Variants in TNRC18 observed in about 807,000 individuals in gnomAD.
TNRC18 encodes the protein trinucleotide repeat-containing gene 18 protein.
A neutral mutation model predicts 226.7 loss-of-function variants in TNRC18; 69 were observed. The observed-to-expected ratio is 0.30, with a 90% CI of 0.25 to 0.37. The LOEUF is 0.37. Among genes scored for constraint, TNRC18 ranks in the 10% least tolerant of loss-of-function variants. The probability of loss-of-function intolerance (pLI) is 1.00; values close to 1 mark genes in which losing one functional copy is unlikely to be tolerated. For missense variants in TNRC18, 4,754 were observed against 4,256.6 expected (o/e 1.12, Z -3.25); for synonymous variants, 2,449 against 1,927.6 (o/e 1.27, Z -7.09).
chr7:5,367,620 G>A (rs1233212057), intron 11 of TNRC18, among the ~76,000 whole-genome samples: 1 of 151,630 alleles, frequency 6.6e-6, no homozygotes, highest in East Asian at 2.0e-4. Flanking sequence ...TAGAGATGGG[G>A]TTTCACCATG....
At chr7:5,365,508 C>A (rs1793527219) in intron 11 of TNRC18, among the ~76,000 whole-genome samples, 1 of 152,172 alleles carries the variant, frequency 6.6e-6, no homozygotes, top group African/African-American at 2.4e-5. Flanking sequence ...CAGGTGTGTG[C>A]AGTTCTCTGA....
rs1485854013 is a variant in TNRC18 at position 5,387,957 on chromosome 7, G to T, written c.1867C>A (p.Pro623Thr). ...GAGGCACCCGCAGAGGTGGGCGCAG[G>T]CTCGGGTTTCATGGTGCCCAAACCT... ...FGGLGTMKPE[P>T]APTSAGASRA... Residue 623 changes from proline to threonine, a missense_variant, in exon 5 of 30, where the codon CCT becomes ACT. Physicochemically the swap from Pro to Thr is conservative, Grantham distance 38. Coordinates refer to ENST00000430969, the MANE Select transcript of TNRC18 (RefSeq NM_001080495.3). The T allele has an allele frequency of 1.3e-6, 2 of 1,597,596 alleles. No homozygotes were observed. Among genetic ancestry groups the T allele is most frequent in the Non-Finnish European group, 8.5e-7 (1 of 1,173,302 alleles).
At chr7:5,326,176 T>C (rs1184083902) in intron 19 of TNRC18, among the ~76,000 whole-genome samples, 1 of 151,904 alleles carries the variant, frequency 6.6e-6, no homozygotes, top group African/African-American at 2.4e-5. Context: ...TGTATCCTTC[T>C]AGAACTTTCC....
Position 5,307,862 on chromosome 7 carries a change from G to A in TNRC18, c.*244C>T. 1 of 561,002 alleles carries A rather than the reference G, an allele frequency of 1.8e-6. No homozygotes were observed. The highest frequency in any genetic ancestry group is 3.2e-6 in the Non-Finnish European group (1 of 311,184). The allele number at this position is 561,002 out of a possible 1,614,324, so 34.8% of individuals were successfully genotyped here. Reference sequence around the variant, plus strand: ...GGTCCGGCCATACCCTGATAGCTAAGAGGGGCCCCTGTCCTGGGGGCACTG... The same window carrying A: ...GGTCCGGCCATACCCTGATAGCTAAAAGGGGCCCCTGTCCTGGGGGCACTG... On this transcript the variant is annotated 3_prime_UTR_variant, in exon 30 of 30. Transcript: ENST00000430969.
intron 5 of TNRC18, among the ~76,000 whole-genome samples, chr7:5,386,705 A>G (rs1279058308): frequency 1.3e-5 from 2 of 151,584 alleles, no homozygotes; most frequent in Non-Finnish European, 2.9e-5. Context: ...AGCTATGATC[A>G]CACCACTGCA....
intron 15 of TNRC18, 69 bp downstream of exon 15, chr7:5,359,329 G>T (rs1792787038): frequency 1.3e-6 from 2 of 1,547,560 alleles, no homozygotes; most frequent in Non-Finnish European, 1.8e-6. Flanking sequence ...AAGGGAGCGT[G>T]AACTCTTAAC....
In TNRC18 at chr7:5,307,916, G is replaced by A. The variant is rs183600491; in HGVS notation, c.*190C>T. 8.7e-5 allele frequency: 53 copies of A among 605,996 alleles called. No individual in the cohort carries two copies. The East Asian group carries it at 1.1e-3, about 12-fold the overall frequency. The allele number at this position is 605,996 out of a possible 1,614,324, so 37.5% of individuals were successfully genotyped here. ...GGTTGGAAGGTGGGGCTGGAGGCAT[G>A]TGCACATGCGTGCACACACGTGCAT... On this transcript the variant is annotated 3_prime_UTR_variant, in exon 30 of 30. Coordinates refer to ENST00000430969, the MANE Select transcript of TNRC18 (RefSeq NM_001080495.3).
intron 2 of TNRC18, among the ~76,000 whole-genome samples, chr7:5,415,426 G>C (rs1400585873): frequency 6.8e-6 from 1 of 146,698 alleles, no homozygotes; most frequent in African/African-American, 2.6e-5. Context: ...GCCCAGGCTG[G>C]AGTGCAGTGG....
intron 15 of TNRC18, among the ~76,000 whole-genome samples, chr7:5,358,010 G>A (rs930880809): frequency 1.3e-5 from 2 of 152,144 alleles, no homozygotes; most frequent in East Asian, 3.9e-4. Context: ...GCTGCCGATG[G>A]CCTGAAGAAG....
intron 18 of TNRC18, among the ~76,000 whole-genome samples, chr7:5,337,862 A>C (rs1790281993): frequency 6.6e-6 from 1 of 152,032 alleles, no homozygotes; most frequent in Non-Finnish European, 1.5e-5. Flanking sequence ...AGGTGCCTGT[A>C]ATCCTAGCTA....
At chr7:5,343,815 G>A (rs1183634282) in intron 18 of TNRC18, among the ~76,000 whole-genome samples, 9 of 152,308 alleles carry the variant, frequency 5.9e-5, no homozygotes, top group East Asian at 3.9e-4. Context: ...TAGTTTAAAC[G>A]TAATTTTATA....
chr7:5,389,047 A>G lies in TNRC18; in HGVS notation c.777T>C (p.Ala259=). The change falls in exon 5 of 30, where the codon GCT becomes GCC. Residue 259 remains alanine (A), a synonymous_variant. Coordinates refer to ENST00000430969, the MANE Select transcript of TNRC18 (RefSeq NM_001080495.3). ...CAGCCAGGAAGGGCGACAGGCGCTC[A>G]GCCAGGCGCGGGGGCCCCCGGTCCT... ...GRQDRGPPRL[A]ERLSPFLAES... The G allele has an allele frequency of 7.7e-7, 1 of 1,293,742 alleles. No homozygotes were observed. The highest frequency in any genetic ancestry group is 3.7e-5 in the East Asian group (1 of 27,146). 80.1% of individuals were successfully genotyped at this position (1,293,742 alleles called of 1,614,324 possible). A position where few individuals can be genotyped will look rare whatever the true frequency, so the allele number is the denominator to read the frequency against.
rs529328231 is a variant in TNRC18, at chr7:5,324,971, G to A, written c.6300+125C>T. ...GACGGCCACATCACCCTCGTCACCCGCAACCTCTCTGAGCCACAGCTATAG... is the reference window on the plus strand; with the variant it reads ...GACGGCCACATCACCCTCGTCACCCACAACCTCTCTGAGCCACAGCTATAG... On this transcript the variant is annotated intron_variant, in intron 20 of 29. Coordinates refer to ENST00000430969, the MANE Select transcript of TNRC18 (RefSeq NM_001080495.3). The surrounding 1 kb of genome is among the most constrained non-coding windows in gnomAD (Gnocchi z 4.8). 7.7e-5 allele frequency: 92 copies of A among 1,195,762 alleles called. 1 individual carries two copies. In the East Asian group the frequency reaches 9.4e-4, roughly 12 times the overall value. The allele number at this position is 1,195,762 out of a possible 1,614,324, so 74.1% of individuals were successfully genotyped here.
chr7:5,402,562 A>G (rs895401446), intron 2 of TNRC18, among the ~76,000 whole-genome samples: 4 of 150,554 alleles, frequency 2.7e-5, no homozygotes, highest in African/African-American at 7.3e-5. Flanking sequence ...TTAGAAAATA[A>G]TATTTATGCG....
At chr7:5,415,181 C>G (rs1782099288) in intron 2 of TNRC18, among the ~76,000 whole-genome samples, 1 of 152,118 alleles carries the variant, frequency 6.6e-6, no homozygotes, top group Non-Finnish European at 1.5e-5. Flanking sequence ...ATTCTGCCAG[C>G]TCAGATACGC....
chr7:5,321,047 T>C (rs1788301258), intron 22 of TNRC18, 26 bp downstream of exon 22: 3 of 1,494,920 alleles, frequency 2.0e-6, no homozygotes, highest in Non-Finnish European at 2.7e-6. Flanking sequence ...CACGGGGCTC[T>C]GTGCCGGACC....
rs945369704 is a variant in TNRC18 at position 5,361,296 on chromosome 7, AGAG to A, written c.4661+295_4661+297del. ...TCCGCAGGGAGGAGGCGCGTGGAAA[AGAG>A]GAGGAATTAGGCCCTAGGCGTGAGG... On this transcript the variant is annotated intron_variant, in intron 14 of 29. Transcript: ENST00000430969. Among the ~76,000 whole-genome samples, 149 of 152,286 alleles carry A rather than the reference AGAG, an allele frequency of 9.8e-4. 1 individual carries two copies. The highest frequency in any genetic ancestry group is 3.4e-3 in the African/African-American group (140 of 41,556).
intron 2 of TNRC18, among the ~76,000 whole-genome samples, chr7:5,415,006 T>C (rs890540493): frequency 2.0e-5 from 3 of 152,122 alleles, no homozygotes; most frequent in Non-Finnish European, 4.4e-5. Flanking sequence ...TTTTTAAGAG[T>C]CCAGACCAGT....
Position 5,395,915 on chromosome 7 carries a change from T to C in TNRC18, c.188-1320A>G, listed in dbSNP as rs143126479. ...GGGAGGCTGAGGCAGGAGAATCGCT[T>C]GAAGCTGGGAGGCGGAGGTTGCAGT... On this transcript the variant is annotated intron_variant, in intron 2 of 29. Coordinates refer to ENST00000430969, the MANE Select transcript of TNRC18 (RefSeq NM_001080495.3). Among the ~76,000 whole-genome samples the C allele has an allele frequency of 4.9e-3, 744 of 151,090 alleles. 4 individuals carry two copies. The highest frequency in any genetic ancestry group is 0.018 in the African/African-American group (722 of 41,058).
Sources: allele counts gnomAD v4.1 joint callset (sites outside exome capture counted in the v4.1 genomes callset), GRCh38; gene constraint gnomAD v4.1.1; non-coding constraint Gnocchi (gnomAD v3.1); transcripts MANE v1.5; gene names NCBI Gene and HGNC (gene_info 2026-07-23, HGNC 2026-07-21).